TPTE2: variants seen among roughly 807,000 people sequenced by gnomAD.
TPTE2 encodes the protein phosphatidylinositol 3,4,5-trisphosphate 3-phosphatase TPTE2.
A neutral mutation model predicts 78.6 loss-of-function variants in TPTE2; 53 were observed. That is an observed-to-expected ratio of 0.67 (90% CI 0.54 to 0.85). The LOEUF (loss-of-function observed/expected upper bound fraction) is 0.85, where lower values mean the gene tolerates loss of function less well. Ranked by LOEUF, TPTE2 falls within the 40% of genes least tolerant of loss-of-function variation. TPTE2 has a pLI of 0.00. For synonymous variants in TPTE2, 175 were observed against 206.2 expected (o/e 0.85, Z 1.30); for missense variants, 461 against 623.0 (o/e 0.74, Z 2.77).
chr13:19,524,907 A>T (rs1469756193), intron 1 of TPTE2, among the ~76,000 whole-genome samples: 1 of 152,238 alleles, frequency 6.6e-6, no homozygotes, highest in Non-Finnish European at 1.5e-5. Flanking sequence ...CTGCAGTAAC[A>T]AATGTAGAGC....
At chr13:19,454,207 T>A (rs1878390382) in intron 10 of TPTE2, among the ~76,000 whole-genome samples, 1 of 152,194 alleles carries the variant, frequency 6.6e-6, no homozygotes, top group African/African-American at 2.4e-5. Flanking sequence ...GAAATTGTAA[T>A]GTCTGCTTTG....
At chr13:19,495,123 A>G (rs558778684) in intron 1 of TPTE2, among the ~76,000 whole-genome samples, 28 of 152,148 alleles carry the variant, frequency 1.8e-4, no homozygotes, top group Non-Finnish European at 2.9e-4. Flanking sequence ...TGAGTTCCTC[A>G]TTCTCTATCA....
chr13:19,507,304 TAAA>T (rs370011146), upstream of TPTE2, among the ~76,000 whole-genome samples: 4 of 112,170 alleles, frequency 3.6e-5, no homozygotes, highest in African/African-American at 1.4e-4. Flanking sequence ...CTAGCTGTTC[TAAA>T]AAAAAAAAAA....
chr13:19,426,711 G>GT (rs1876119395), intron 17 of TPTE2, among the ~76,000 whole-genome samples, 194 bp from the exon 21 acceptor site: 1 of 151,982 alleles, frequency 6.6e-6, no homozygotes, highest in South Asian at 2.1e-4. Flanking sequence ...GTTTTCATTT[G>GT]TTTTTTGTTT....
Position 19,447,219 on chromosome 13 carries a change from A to T in TPTE2, c.973+2857T>A, listed in dbSNP as rs186921669. Among the ~76,000 whole-genome samples, 248 of 152,296 alleles carry T rather than the reference A, an allele frequency of 1.6e-3. 1 individual carries two copies. Among genetic ancestry groups the T allele is most frequent in the Non-Finnish European group, 3.0e-3 (201 of 68,018 alleles). On this transcript the variant is annotated intron_variant, in intron 13 of 19. Coordinates refer to ENST00000400230, the Ensembl canonical transcript of TPTE2. The stretch of plus-strand genomic sequence containing the variant: ...TACCAGCTGAATATTAGCCCTCTAA[A>T]CAAACTTTAACAAAATCAACAAAAT...
rs1008821550 is a variant in TPTE2 at position 19,474,153 on chromosome 13, C to G, written c.231-78G>C. 26 of 1,285,470 alleles carry G rather than the reference C, an allele frequency of 2.0e-5. No homozygotes were observed. The African/African-American group carries it at 2.9e-4, about 15-fold the overall frequency. 79.6% of individuals were successfully genotyped at this position (1,285,470 alleles called of 1,614,324 possible). A position where few individuals can be genotyped will look rare whatever the true frequency, so the allele number is the denominator to read the frequency against. ...GATAAAGGGGCATTTGTCCCTATAG[C>G]TATACTATATTTAAGCCACTGATCA... On this transcript the variant is annotated intron_variant, in intron 5 of 19. Coordinates refer to ENST00000400230, the Ensembl canonical transcript of TPTE2.
At chr13:19,506,420 G>A (rs375896769), upstream of TPTE2, among the ~76,000 whole-genome samples, 19 of 151,918 alleles carry the variant, frequency 1.3e-4, no homozygotes, top group East Asian at 3.9e-4. Context: ...TGATCCGCCC[G>A]CCTTGGCCTC....
At chr13:19,506,530 C>T (rs1167639332), upstream of TPTE2, among the ~76,000 whole-genome samples, 2 of 152,140 alleles carry the variant, frequency 1.3e-5, no homozygotes, top group Non-Finnish European at 2.9e-5. Context: ...TTACTACCAT[C>T]AACTCAATTG....
intron 13 of TPTE2, among the ~76,000 whole-genome samples, chr13:19,445,169 C>G (rs1040602723): frequency 6.6e-6 from 1 of 152,074 alleles, no homozygotes; most frequent in Non-Finnish European, 1.5e-5. Flanking sequence ...AGGCAAATCA[C>G]AGAGCAGAAA....
chr13:19,513,089 A>G (rs1216433483), intron 1 of TPTE2, among the ~76,000 whole-genome samples: 3 of 152,226 alleles, frequency 2.0e-5, no homozygotes, highest in Non-Finnish European at 2.9e-5. Context: ...TGGTGACTAT[A>G]TTGGTAATCT....
chr13:19,460,357 T>C (rs538143550), intron 10 of TPTE2, among the ~76,000 whole-genome samples: 8 of 152,356 alleles, frequency 5.3e-5, no homozygotes, highest in Non-Finnish European at 1.0e-4. Context: ...CTCTGCCTGC[T>C]TGTCTTCATT....
intron 5 of TPTE2, among the ~76,000 whole-genome samples, chr13:19,475,181 T>A (rs1879858201): frequency 6.6e-6 from 1 of 152,158 alleles, no homozygotes; most frequent in Non-Finnish European, 1.5e-5. Flanking sequence ...AAGTATTAAG[T>A]CTCATATATA....
At chr13:19,544,055 T>C in the TPTE2 span, among the ~76,000 whole-genome samples, 3 of 11,250 alleles carry the variant, frequency 2.7e-4, no homozygotes, top group South Asian at 0.018. Flanking sequence ...AGTGAGAACC[T>C]GTCTCAAAAA....
intron 10 of TPTE2, among the ~76,000 whole-genome samples, chr13:19,457,594 C>T (rs1049661269): frequency 2.0e-5 from 3 of 151,894 alleles, no homozygotes; most frequent in Admixed American, 6.6e-5. Context: ...TCATTGTCAG[C>T]TCCCGCATGT....
At position 19,427,378 on chromosome 13, in the gene TPTE2, C is replaced by T. The variant is rs553083540; in HGVS notation, c.1303-861G>A. ...GATTACAGGCATGAGCCACCGTGCC[C>T]GGCCGTGAGGCACTTTTCAAAAGTG... On this transcript the variant is annotated intron_variant, in intron 17 of 19. Coordinates refer to ENST00000400230, the Ensembl canonical transcript of TPTE2. Among the ~76,000 whole-genome samples, 288 of 151,876 alleles carry T rather than the reference C, an allele frequency of 1.9e-3. 4 individuals are homozygous for T. Among genetic ancestry groups the T allele is most frequent in the Non-Finnish European group, 2.6e-3 (179 of 67,884 alleles).
In TPTE2 at chr13:19,426,304, T is replaced by A. The variant is rs759016090; in HGVS notation, c.1395+121A>T. ...CTCTTTTAAAAAAATTTGTTATAGATCTGATTTATTGTTTTCCTCCCCCTC... is the reference window on the plus strand; with the variant it reads ...CTCTTTTAAAAAAATTTGTTATAGAACTGATTTATTGTTTTCCTCCCCCTC... On this transcript the variant is annotated intron_variant, in intron 18 of 19. Transcript: ENST00000400230. 6.9e-6 allele frequency: 5 copies of A among 724,822 alleles called. No homozygotes were observed. In the South Asian group the frequency reaches 7.5e-5, roughly 11 times the overall value. 44.9% of individuals were successfully genotyped at this position (724,822 alleles called of 1,614,324 possible).
chr13:19,560,876 C>A, the TPTE2 span: 3 of 1,567,236 alleles, frequency 1.9e-6, no homozygotes, highest in African/African-American at 1.4e-5. Flanking sequence ...ACAGGCCTTG[C>A]GTCTCCGCTT....
intron 1 of TPTE2, among the ~76,000 whole-genome samples, chr13:19,517,494 TA>T (rs1303024461): frequency 6.6e-6 from 1 of 152,094 alleles, no homozygotes; most frequent in Non-Finnish European, 1.5e-5. Context: ...CAGCTGGGTA[TA>T]AGCAAACTTT....
chr13:19,506,189 T>TTTTTTTTTTTTTTA (rs869210838), upstream of TPTE2, among the ~76,000 whole-genome samples: 1 of 127,952 alleles, frequency 7.8e-6, no homozygotes, highest in Non-Finnish European at 1.7e-5. Flanking sequence ...TTTTTTTTTT[T>TTTTTTTTTTTTTTA]GAGACGGAGT....
Sources: allele counts gnomAD v4.1 joint callset (sites outside exome capture counted in the v4.1 genomes callset), GRCh38; gene constraint gnomAD v4.1.1; transcripts MANE v1.5; gene names NCBI Gene and HGNC (gene_info 2026-07-23, HGNC 2026-07-21).